Variants in JAZF1 observed in about 807,000 individuals in gnomAD.
The protein encoded by JAZF1 is juxtaposed with another zinc finger protein 1.
JAZF1 carries 8 observed loss-of-function variants against 26.4 expected under a neutral mutation model. That is an observed-to-expected ratio of 0.30 (90% confidence interval 0.18 to 0.55). The LOEUF is 0.55. Among genes scored for constraint, JAZF1 ranks in the 20% least tolerant of loss-of-function variants. The probability of loss-of-function intolerance (pLI) is 0.94; values close to 1 mark genes in which losing one functional copy is unlikely to be tolerated. For synonymous variants in JAZF1, 126 were observed against 122.3 expected, an observed-to-expected ratio of 1.03 and a Z score of -0.20; for missense variants, 199 against 322.0, an observed-to-expected ratio of 0.62 and a Z score of 2.92.
chr7:28,018,250 G>A (rs1172188349), intron 1 of JAZF1, among the ~76,000 whole-genome samples: 1 of 152,236 alleles, frequency 6.6e-6, no homozygotes, highest in Non-Finnish European at 1.5e-5. Flanking sequence ...CAGGCCTGGA[G>A]GCGGAAATGT....
At chr7:28,046,721 T>TC (rs1305576654) in intron 1 of JAZF1, among the ~76,000 whole-genome samples, 7 of 152,338 alleles carry the variant, frequency 4.6e-5, no homozygotes, top group African/African-American at 1.7e-4. Context: ...ATATTTGTTT[T>TC]CCCTGATTGT....
chr7:28,169,747 C>G lies in JAZF1; in HGVS notation c.115+10716G>C, dbSNP rs963369160. Reference sequence around the variant, plus strand: ...ATTTCTGCTTATTTATGCCTATTACCATGGTGTTCAATTTACTTAACAGAA... The same window carrying G: ...ATTTCTGCTTATTTATGCCTATTACGATGGTGTTCAATTTACTTAACAGAA... On this transcript the variant is annotated intron_variant, in intron 1 of 4. Transcript: ENST00000283928. Among the ~76,000 whole-genome samples, 7 of 152,122 alleles carry G rather than the reference C, an allele frequency of 4.6e-5. No individual in the cohort carries two copies. In the East Asian group the frequency reaches 1.3e-3, roughly 29 times the overall value.
chr7:28,048,592 C>T (rs1783535963), intron 1 of JAZF1, among the ~76,000 whole-genome samples: 1 of 152,084 alleles, frequency 6.6e-6, no homozygotes, highest in Admixed American at 6.5e-5. Context: ...CTTCTGGGTT[C>T]CTATATGAAG....
chr7:27,982,778 C>T (rs574814305), intron 2 of JAZF1, among the ~76,000 whole-genome samples: 14 of 152,302 alleles, frequency 9.2e-5, no homozygotes, highest in African/African-American at 3.4e-4. Context: ...CATCTGTCGT[C>T]CTGCAATATT....
chr7:28,010,801 G>T (rs1782786336), intron 1 of JAZF1, among the ~76,000 whole-genome samples: 1 of 152,242 alleles, frequency 6.6e-6, no homozygotes, highest in Non-Finnish European at 1.5e-5. Flanking sequence ...AAGAATAAAT[G>T]AATGAAAGGT....
intron 2 of JAZF1, among the ~76,000 whole-genome samples, chr7:27,984,294 G>A (rs1785651011): frequency 6.6e-6 from 1 of 152,056 alleles, no homozygotes; most frequent in South Asian, 2.1e-4. Context: ...GAAAAGCTGG[G>A]GTTGCAATCC....
At chr7:28,018,430 A>G (rs370820911) in intron 1 of JAZF1, among the ~76,000 whole-genome samples, 69 of 152,294 alleles carry the variant, frequency 4.5e-4, no homozygotes, top group African/African-American at 1.6e-3. Context: ...TTTCTATTTT[A>G]AGAGGATCCC....
chr7:28,117,700 T>C (rs1784768701), intron 1 of JAZF1, among the ~76,000 whole-genome samples: 1 of 152,184 alleles, frequency 6.6e-6, no homozygotes, highest in Non-Finnish European at 1.5e-5. Flanking sequence ...AATCCTCTAG[T>C]CTAGACACTA....
At chr7:28,009,401 T>A (rs2128369765) in intron 1 of JAZF1, among the ~76,000 whole-genome samples, 1 of 152,206 alleles carries the variant, frequency 6.6e-6, no homozygotes, top group South Asian at 2.1e-4. Flanking sequence ...TCATAACCAG[T>A]ACACCCCTCC....
At chr7:28,133,658 C>T (rs1250181222) in intron 1 of JAZF1, among the ~76,000 whole-genome samples, 7 of 152,142 alleles carry the variant, frequency 4.6e-5, no homozygotes, top group African/African-American at 1.4e-4. Flanking sequence ...TGTCATAATT[C>T]TTTATCATGG....
chr7:28,069,137 C>T (rs1447479180), intron 1 of JAZF1, among the ~76,000 whole-genome samples: 1 of 152,164 alleles, frequency 6.6e-6, no homozygotes, highest in Non-Finnish European at 1.5e-5. Context: ...ATGGAAGAGC[C>T]CAGTAACTTA....
chr7:27,845,709 A>G (rs1028316362), intron 3 of JAZF1, among the ~76,000 whole-genome samples: 1 of 146,298 alleles, frequency 6.8e-6, no homozygotes, highest in Non-Finnish European at 1.5e-5. Flanking sequence ...AAAAAAAAAA[A>G]AAAAAGAAAA....
At chr7:27,990,106 A>G (rs1181549148) in intron 2 of JAZF1, among the ~76,000 whole-genome samples, 5 of 152,240 alleles carry the variant, frequency 3.3e-5, no homozygotes, top group Non-Finnish European at 7.3e-5. Context: ...ATGCAGCCAT[A>G]AAAAAGGATG....
At position 27,840,876 on chromosome 7, in the gene JAZF1, C is replaced by G; in HGVS notation, c.386-9G>C. The G allele has an allele frequency of 6.2e-7, 1 of 1,613,614 alleles. No individual in the cohort carries two copies. The stretch of plus-strand genomic sequence containing the variant: ...CTCGTCATACTCGCTGCCTGCAGGA[C>G]AAGAGAAGTGCAAGGACTGTCAGGA... On this transcript the variant is annotated splice_polypyrimidine_tract_variant and intron_variant, in intron 3 of 4. Coordinates refer to ENST00000283928, the MANE Select transcript of JAZF1 (RefSeq NM_175061.4). The surrounding 1 kb of genome is among the most constrained non-coding windows in gnomAD (Gnocchi z 5.1).
At chr7:28,175,130 G>A (rs1009121469) in intron 1 of JAZF1, among the ~76,000 whole-genome samples, 1 of 152,170 alleles carries the variant, frequency 6.6e-6, no homozygotes, top group Admixed American at 6.5e-5. Flanking sequence ...GTTGGAAGCC[G>A]CTGGCTTTGA....
intron 2 of JAZF1, among the ~76,000 whole-genome samples, chr7:27,977,618 A>G (rs972389298): frequency 6.6e-6 from 1 of 152,194 alleles, no homozygotes; most frequent in Non-Finnish European, 1.5e-5. Flanking sequence ...TACCCCGAAC[A>G]TGAGCAACCC....
intron 1 of JAZF1, among the ~76,000 whole-genome samples, chr7:28,097,704 G>C (rs1479546922): frequency 6.6e-6 from 1 of 152,188 alleles, no homozygotes; most frequent in Non-Finnish European, 1.5e-5. Flanking sequence ...TGGGATTTCA[G>C]GTAGCTGAAT....
Position 27,984,228 on chromosome 7 carries a change from T to G in JAZF1, c.188+7681A>C, listed in dbSNP as rs542353895. On this transcript the variant is annotated intron_variant, in intron 2 of 4. Coordinates refer to ENST00000283928, the MANE Select transcript of JAZF1 (RefSeq NM_175061.4). Reference sequence around the variant, plus strand: ...CCCATCTCATGTGCAGAGACACACATAGGCTCAAAATAAAGGGATGGAGGA... The same window carrying G: ...CCCATCTCATGTGCAGAGACACACAGAGGCTCAAAATAAAGGGATGGAGGA... 2.1e-4 allele frequency among the ~76,000 whole-genome samples: 32 copies of G among 152,278 alleles called. 1 individual carries two copies. The highest frequency in any genetic ancestry group is 7.7e-4 in the African/African-American group (32 of 41,562).
intron 2 of JAZF1, among the ~76,000 whole-genome samples, chr7:27,920,903 A>C (rs888323802): frequency 1.3e-5 from 2 of 152,256 alleles, no homozygotes; most frequent in African/African-American, 4.8e-5. Context: ...AATGTTGGCA[A>C]GTCTCACCTG....
Sources: allele counts gnomAD v4.1 joint callset (sites outside exome capture counted in the v4.1 genomes callset), GRCh38; gene constraint gnomAD v4.1.1; non-coding constraint Gnocchi (gnomAD v3.1); transcripts MANE v1.5; gene names NCBI Gene and HGNC (gene_info 2026-07-23, HGNC 2026-07-21).